Variants in KCNQ1 observed in about 807,000 individuals in gnomAD.
The protein encoded by KCNQ1 is potassium voltage-gated channel subfamily KQT member 1.
Under a neutral mutation model 72.4 loss-of-function variants are expected in KCNQ1, and 49 were observed. That is an observed-to-expected ratio of 0.68 (90% CI 0.54 to 0.86). The LOEUF (loss-of-function observed/expected upper bound fraction) is 0.86. KCNQ1 is among the 40% of genes least tolerant of loss of function. The probability of loss-of-function intolerance (pLI) is 0.00; values close to 1 mark genes in which losing one functional copy is unlikely to be tolerated. For missense variants in KCNQ1, 790 were observed against 945.1 expected (o/e 0.84, Z 2.15); for synonymous variants, 450 against 412.6 (o/e 1.09, Z -1.10).
chr11:2,508,337 C>G lies in KCNQ1; in HGVS notation c.387-19591C>G, dbSNP rs1847139695. Among the ~76,000 whole-genome samples, 1 of 152,166 alleles carries G rather than the reference C, an allele frequency of 6.6e-6. No homozygotes were observed. Among genetic ancestry groups the G allele is most frequent in the South Asian group, 2.1e-4 (1 of 4,832 alleles). ...CTTGGAAAGACTTTAGGCCAGGAGC[C>G]CATCATTGTCCTGGAACCTGGGCTT... On this transcript the variant is annotated intron_variant, in intron 1 of 15. Coordinates refer to ENST00000155840, the MANE Select transcript of KCNQ1 (RefSeq NM_000218.3). The surrounding 1 kb of genome is among the most constrained non-coding windows in gnomAD (Gnocchi z 6.2).
In KCNQ1 at chr11:2,745,383, C is replaced by T. The variant is rs1320793766; in HGVS notation, c.1515-23461C>T. ...TTCCATTATTCCTGGATGAGACCTT[C>T]TTTCCCCTGCTATTTTGGAATTTTT... On this transcript the variant is annotated intron_variant, in intron 11 of 15. Transcript: ENST00000155840. This position sits in a 1 kb window ranked among gnomAD's most constrained non-coding sequence, Gnocchi z 6.2. 6.6e-6 allele frequency among the ~76,000 whole-genome samples: 1 copy of T among 152,130 alleles called. No individual in the cohort carries two copies. Among genetic ancestry groups the T allele is most frequent in the Admixed American group, 6.5e-5 (1 of 15,280 alleles).
Position 2,630,372 on chromosome 11 carries a change from C to G in KCNQ1, c.1394-31589C>G, listed in dbSNP as rs55759353. 1,459 of 397,898 alleles carry G rather than the reference C, an allele frequency of 3.7e-3. 22 individuals carry two copies. The highest frequency in any genetic ancestry group is 0.028 in the African/African-American group (1,342 of 48,576). The allele number at this position is 397,898 out of a possible 1,614,324, so 24.6% of individuals were successfully genotyped here. A position where few individuals can be genotyped will look rare whatever the true frequency, so the allele number is the denominator to read the frequency against. ...TAAAAAAATATCAGCCAGTTATTTT[C>G]TTTTCTTATATTGTCCTTGTCTGGC... On this transcript the variant is annotated intron_variant, in intron 10 of 15. Coordinates refer to ENST00000155840, the MANE Select transcript of KCNQ1 (RefSeq NM_000218.3).
chr11:2,453,097 G>C (rs551924079), intron 1 of KCNQ1, among the ~76,000 whole-genome samples: 193 of 152,372 alleles, frequency 1.3e-3, no homozygotes, highest in African/African-American at 3.5e-3. Flanking sequence ...ACCTTGGCTG[G>C]GTGCGGTGGC....
intron 10 of KCNQ1, chr11:2,655,438 A>T (rs1373259130): frequency 2.5e-6 from 1 of 398,594 alleles, no homozygotes; most frequent in Admixed American, 4.4e-5. Context: ...CACTCTAGGC[A>T]GTTCAGCAAA....
Position 2,840,636 on chromosome 11 carries a change from ATAAG to A in KCNQ1, c.1795-7126_1795-7123del, listed in dbSNP as rs369451002. Among the ~76,000 whole-genome samples the A allele has an allele frequency of 2.4e-3, 372 of 152,370 alleles. 1 individual carries two copies. The highest frequency in any genetic ancestry group is 8.0e-3 in the African/African-American group (332 of 41,598). On this transcript the variant is annotated intron_variant, in intron 15 of 15. Transcript: ENST00000155840. The stretch of plus-strand genomic sequence containing the variant: ...TTTGACCACGTGAAAAAGTGAAAAC[ATAAG>A]TAAGACCTCTGTGTGGCAAAACAAA...
rs979760328 is a variant in KCNQ1 at position 2,808,033 on chromosome 11, C to A, written c.1794+29996C>A. Among the ~76,000 whole-genome samples the A allele has an allele frequency of 2.6e-5, 4 of 152,196 alleles. No homozygotes were observed. The highest frequency in any genetic ancestry group is 2.4e-5 in the African/African-American group (1 of 41,454). On this transcript the variant is annotated intron_variant, in intron 15 of 15. Transcript: ENST00000155840. The surrounding 1 kb of genome is among the most constrained non-coding windows in gnomAD (Gnocchi z 6.0). Reference sequence around the variant, plus strand: ...GGCCGGTGGTACCTGGAGCCCTCCCCACTGAGCACCTGGCCCAGTGCCCGG... The same window carrying A: ...GGCCGGTGGTACCTGGAGCCCTCCCAACTGAGCACCTGGCCCAGTGCCCGG...
intron 1 of KCNQ1, among the ~76,000 whole-genome samples, chr11:2,474,643 C>T (rs979113555): frequency 3.9e-5 from 3 of 76,472 alleles, no homozygotes; most frequent in Non-Finnish European, 1.1e-4. Flanking sequence ...GACAAAAGGC[C>T]CTTGCGTCAG....
chr11:2,766,054 A>G lies in KCNQ1; in HGVS notation c.1515-2790A>G, dbSNP rs764975753. The stretch of plus-strand genomic sequence containing the variant: ...TCTACTCTGTCGTCCCTGCTATCCA[A>G]CTCACCTATTGCATTCTTCATTTCC... On this transcript the variant is annotated intron_variant, in intron 11 of 15. Transcript: ENST00000155840. The surrounding 1 kb of genome is among the most constrained non-coding windows in gnomAD (Gnocchi z 4.4). 1.3e-5 allele frequency among the ~76,000 whole-genome samples: 2 copies of G among 151,818 alleles called. No homozygotes were observed. The highest frequency in any genetic ancestry group is 4.8e-5 in the African/African-American group (2 of 41,300).
rs28730752 is a variant in KCNQ1 at position 2,570,618 on chromosome 11, G to A, written c.478-10G>A. 8.6e-3 allele frequency: 13,821 copies of A among 1,612,094 alleles called. 961 individuals carry two copies. The African/African-American group carries it at 0.16, about 19-fold the overall frequency. On this transcript the variant is annotated splice_polypyrimidine_tract_variant and intron_variant, in intron 2 of 15. Transcript: ENST00000155840. ...CTGCCTGCAGTGAGCGTCCCACTCT[G>A]TCCCTGCAGGAGATCGTGCTGGTGG...
chr11:2,661,942 C>G lies in KCNQ1; in HGVS notation c.1394-19C>G. On this transcript the variant is annotated intron_variant, in intron 10 of 15. Coordinates refer to ENST00000155840, the MANE Select transcript of KCNQ1 (RefSeq NM_000218.3). This position sits in a 1 kb window ranked among gnomAD's most constrained non-coding sequence, Gnocchi z 5.9. ...TTGGGTGGGAGGCCTAACGTGCTGT[C>G]CCCACACTTTCTCCTCAGTAAGGAA... 2.5e-6 allele frequency: 4 copies of G among 1,614,120 alleles called. No homozygotes were observed. Among genetic ancestry groups the G allele is most frequent in the Non-Finnish European group, 3.4e-6 (4 of 1,180,030 alleles).
chr11:2,487,621 A>G (rs902130396), intron 1 of KCNQ1, among the ~76,000 whole-genome samples: 1 of 152,050 alleles, frequency 6.6e-6, no homozygotes, highest in Non-Finnish European at 1.5e-5. Context: ...ATTCTACTTG[A>G]TGCTATTATA....
At chr11:2,667,612 T>C in intron 11 of KCNQ1, 1 of 398,546 alleles carries the variant, frequency 2.5e-6, no homozygotes, top group East Asian at 3.6e-5. Context: ...GCACATCCCA[T>C]ATAGATCTCT....
chr11:2,450,692 C>G lies in KCNQ1; in HGVS notation c.386+5208C>G, dbSNP rs1171991104. Among the ~76,000 whole-genome samples, 1 of 152,132 alleles carries G rather than the reference C, an allele frequency of 6.6e-6. No homozygotes were observed. On this transcript the variant is annotated intron_variant, in intron 1 of 15. Coordinates refer to ENST00000155840, the MANE Select transcript of KCNQ1 (RefSeq NM_000218.3). This position sits in a 1 kb window ranked among gnomAD's most constrained non-coding sequence, Gnocchi z 7.9. Reference sequence around the variant, plus strand: ...GTCTCTCTCCAGCAGCTCCTCCAACCACCATGAGAAACCCCAGACCTCACA... The same window carrying G: ...GTCTCTCTCCAGCAGCTCCTCCAACGACCATGAGAAACCCCAGACCTCACA...
rs1846407444 is a variant in KCNQ1 at position 2,762,106 on chromosome 11, C to T, written c.1515-6738C>T. 6.6e-6 allele frequency among the ~76,000 whole-genome samples: 1 copy of T among 152,192 alleles called. No homozygotes were observed. The highest frequency in any genetic ancestry group is 2.4e-5 in the African/African-American group (1 of 41,446). On this transcript the variant is annotated intron_variant, in intron 11 of 15. Transcript: ENST00000155840. This position sits in a 1 kb window ranked among gnomAD's most constrained non-coding sequence, Gnocchi z 4.3. ...TGACTCCCCGTTCCCTGCCTGCTCC[C>T]AGGCTGTTTGGGGTGATGGAAAGAG...
rs1846702217 is a variant in KCNQ1, at chr11:2,484,409, C to T, written c.386+38925C>T. On this transcript the variant is annotated intron_variant, in intron 1 of 15. Transcript: ENST00000155840. The surrounding 1 kb of genome is among the most constrained non-coding windows in gnomAD (Gnocchi z 5.2). Reference sequence around the variant, plus strand: ...TGAACTCCTAACCTCAGGTGATCCACCCGCCTTGGCCTCCCAAAGTGCAGG... The same window carrying T: ...TGAACTCCTAACCTCAGGTGATCCATCCGCCTTGGCCTCCCAAAGTGCAGG... 6.6e-6 allele frequency among the ~76,000 whole-genome samples: 1 copy of T among 152,204 alleles called. No homozygotes were observed. The highest frequency in any genetic ancestry group is 2.1e-4 in the South Asian group (1 of 4,824).
rs956483069 is a variant in KCNQ1, at chr11:2,668,358, T to C, written c.1514+6277T>C. 10 of 398,484 alleles carry C rather than the reference T, an allele frequency of 2.5e-5. No individual in the cohort carries two copies. The highest frequency in any genetic ancestry group is 2.1e-4 in the African/African-American group (10 of 48,618). 24.7% of individuals were successfully genotyped at this position (398,484 alleles called of 1,614,324 possible). ...CTGCAGGGTCCTGGGTGGGCATATG[T>C]TTACTCTTAGTGAATACTACCCAGC... On this transcript the variant is annotated intron_variant, in intron 11 of 15. Transcript: ENST00000155840. This position sits in a 1 kb window ranked among gnomAD's most constrained non-coding sequence, Gnocchi z 4.3.
chr11:2,448,629 G>A (rs35965954), intron 1 of KCNQ1, among the ~76,000 whole-genome samples: 2 of 152,250 alleles, frequency 1.3e-5, no homozygotes, highest in African/African-American at 4.8e-5. Flanking sequence ...TGGGCACAGA[G>A]GAGGACGGGG....
chr11:2,766,856 C>A lies in KCNQ1; in HGVS notation c.1515-1988C>A, dbSNP rs915397987. On this transcript the variant is annotated intron_variant, in intron 11 of 15. Coordinates refer to ENST00000155840, the MANE Select transcript of KCNQ1 (RefSeq NM_000218.3). This position sits in a 1 kb window ranked among gnomAD's most constrained non-coding sequence, Gnocchi z 4.4. ...GTATCAGTTACCTATTGTTGCGTAG[C>A]AAACTAGACCTAAATTTAGTGGCTT... is the stretch of plus-strand genomic sequence containing the variant. Among the ~76,000 whole-genome samples, 2 of 152,224 alleles carry A rather than the reference C, an allele frequency of 1.3e-5. No individual in the cohort carries two copies.
intron 1 of KCNQ1, among the ~76,000 whole-genome samples, chr11:2,512,049 C>T (rs768526387): frequency 3.9e-5 from 6 of 152,342 alleles, no homozygotes; most frequent in East Asian, 1.9e-4. Context: ...TCAGGGGCTG[C>T]GCTGTCGGGC....
Sources: gnomAD v4.1 joint callset for allele counts (sites outside exome capture counted in the v4.1 genomes callset) on GRCh38, gnomAD v4.1.1 for gene constraint, Gnocchi (gnomAD v3.1) non-coding constraint, MANE v1.5 for transcripts, NCBI Gene and HGNC (gene_info 2026-07-23, HGNC 2026-07-21) for gene names.